The following PIK3CB variants were observed in gnomAD, a reference collection of about 807,000 sequenced individuals.
The protein encoded by PIK3CB is phosphatidylinositol 4,5-bisphosphate 3-kinase catalytic subunit beta isoform.
In PIK3CB, 39 loss-of-function variants were observed where a neutral mutation model predicts 136.8. The observed-to-expected ratio is 0.29, with a 90% CI of 0.22 to 0.37. PIK3CB has a LOEUF of 0.37. Ranked by LOEUF, PIK3CB falls within the 10% of genes least tolerant of loss-of-function variation. The pLI is 1.00. For missense variants in PIK3CB, 868 were observed against 1,275.4 expected (o/e 0.68, Z 4.87); for synonymous variants, 428 against 436.6 (o/e 0.98, Z 0.25).
At chr3:138,709,178 C>A (rs905863693) in intron 10 of PIK3CB, among the ~76,000 whole-genome samples, 3 of 152,040 alleles carry the variant, frequency 2.0e-5, no homozygotes, top group Admixed American at 2.0e-4. Context: ...ATAAATTTAT[C>A]TATTCTTTGA....
At chr3:138,758,875 G>C (rs968225221) in intron 3 of PIK3CB, among the ~76,000 whole-genome samples, 3 of 152,062 alleles carry the variant, frequency 2.0e-5, no homozygotes, top group African/African-American at 7.2e-5. Flanking sequence ...TCAAGGAAAG[G>C]GGGAAGAGAA....
At chr3:138,656,337 A>G in intron 22 of PIK3CB, 63 bp from the exon 23 acceptor site, 1 of 1,546,622 alleles carries the variant, frequency 6.5e-7, no homozygotes, top group Non-Finnish European at 8.9e-7. Flanking sequence ...CATTTCATAC[A>G]GGAAATTAAG....
intron 12 of PIK3CB, among the ~76,000 whole-genome samples, chr3:138,701,577 G>A (rs929055181): frequency 1.3e-5 from 2 of 152,032 alleles, no homozygotes; most frequent in African/African-American, 4.8e-5. Context: ...ACGGGGTCAA[G>A]AGATCGAGAC....
intron 7 of PIK3CB, among the ~76,000 whole-genome samples, chr3:138,734,431 C>A (rs2045057648): frequency 6.6e-6 from 1 of 152,072 alleles, no homozygotes; most frequent in Non-Finnish European, 1.5e-5. Flanking sequence ...ATATAAACGG[C>A]ATATTTACAT....
intron 1 of PIK3CB, among the ~76,000 whole-genome samples, chr3:138,800,921 C>T (rs558361945): frequency 2.9e-4 from 44 of 152,160 alleles, no homozygotes; most frequent in African/African-American, 9.6e-4. Context: ...CCACCGTGCC[C>T]GGCCTATTTT....
intron 16 of PIK3CB, among the ~76,000 whole-genome samples, chr3:138,687,071 G>A (rs542382460): frequency 7.9e-5 from 12 of 152,214 alleles, no homozygotes; most frequent in African/African-American, 9.6e-5. Flanking sequence ...ATCTCTAATT[G>A]TGTTGATATC....
chr3:138,678,547 A>C (rs2043696902), intron 19 of PIK3CB, among the ~76,000 whole-genome samples: 1 of 152,190 alleles, frequency 6.6e-6, no homozygotes, highest in South Asian at 2.1e-4. Flanking sequence ...AATCACAATA[A>C]ACAATTAAAA....
intron 8 of PIK3CB, among the ~76,000 whole-genome samples, chr3:138,723,671 C>T (rs555179367): frequency 2.9e-4 from 44 of 152,356 alleles, no homozygotes; most frequent in African/African-American, 9.6e-4. Flanking sequence ...AGAAGTCAGG[C>T]TTTGACATGC....
chr3:138,783,672 T>G (rs2045944833), intron 2 of PIK3CB, among the ~76,000 whole-genome samples: 1 of 151,978 alleles, frequency 6.6e-6, no homozygotes, highest in Non-Finnish European at 1.5e-5. Flanking sequence ...CTGAGAAACC[T>G]TAAGCATTTA....
chr3:138,784,617 G>A (rs898022443), intron 2 of PIK3CB, among the ~76,000 whole-genome samples: 1 of 152,210 alleles, frequency 6.6e-6, no homozygotes, highest in African/African-American at 2.4e-5. Flanking sequence ...TTTTGGTGGA[G>A]ACGGGGTTTC....
rs766587288 is a variant in PIK3CB, at chr3:138,712,279, G to A, written c.1328C>T (p.Thr443Met). The change falls in exon 10 of 24, where the codon ACG (threonine) becomes ATG (methionine). Residue 443 changes from threonine (T) to methionine (M), a missense_variant. By Grantham distance (81) the Thr-to-Met change is moderately conservative (BLOSUM62 -1). This residue lies in a region of PIK3CB where 612 missense variants were observed against 801.1 expected (regional missense o/e 0.76). Transcript: ENST00000674063. The stretch of plus-strand genomic sequence containing the variant: ...TTGTCCTTTAAAGTCAAAAACCATC[G>A]TATTTACCCACGCTACAGGATAATG... ...KVHYPVAWVN[T>M]MVFDFKGQLR... 3.8e-6 allele frequency: 6 copies of A among 1,573,250 alleles called. No homozygotes were observed. The highest frequency in any genetic ancestry group is 1.1e-5 in the South Asian group (1 of 87,188).
At chr3:138,726,405 G>A (rs946584691) in intron 8 of PIK3CB, among the ~76,000 whole-genome samples, 2 of 152,138 alleles carry the variant, frequency 1.3e-5, no homozygotes, top group Non-Finnish European at 2.9e-5. Flanking sequence ...GAGGGAAGGG[G>A]AGACTTACTC....
chr3:138,703,636 G>GTAGATA (rs2044304349), intron 12 of PIK3CB, among the ~76,000 whole-genome samples: 1 of 151,902 alleles, frequency 6.6e-6, no homozygotes, highest in Non-Finnish European at 1.5e-5. Context: ...ATATATAGAT[G>GTAGATA]TAGATATAGA....
chr3:138,755,634 A>G, intron 4 of PIK3CB, 120 bp downstream of exon 4: 1 of 530,920 alleles, frequency 1.9e-6, no homozygotes. Context: ...GCAACAATTT[A>G]CAGATCAGCA....
At chr3:138,754,924 T>C (rs1487355077) in intron 4 of PIK3CB, among the ~76,000 whole-genome samples, 4 of 152,198 alleles carry the variant, frequency 2.6e-5, no homozygotes, top group Non-Finnish European at 5.9e-5. Flanking sequence ...TAGTTCCTAA[T>C]TCAAGTCAGT....
intron 1 of PIK3CB, among the ~76,000 whole-genome samples, chr3:138,831,826 G>A (rs1053421190): frequency 2.0e-5 from 3 of 152,080 alleles, no homozygotes; most frequent in African/African-American, 7.2e-5. Context: ...TTTGGAGGCT[G>A]AGGCAGGAGA....
intron 1 of PIK3CB, among the ~76,000 whole-genome samples, chr3:138,805,517 A>G (rs2046224113): frequency 6.6e-6 from 1 of 150,752 alleles, no homozygotes; most frequent in Non-Finnish European, 1.5e-5. Flanking sequence ...TAAAAATACA[A>G]AAAAATTAGC....
chr3:138,710,911 C>T (rs1313584436), intron 10 of PIK3CB, among the ~76,000 whole-genome samples: 1 of 151,648 alleles, frequency 6.6e-6, no homozygotes, highest in Non-Finnish European at 1.5e-5. Flanking sequence ...TGTGAAACCC[C>T]GTCTCTATTA....
chr3:138,786,356 T>C (rs893957252), intron 2 of PIK3CB, among the ~76,000 whole-genome samples: 3 of 152,168 alleles, frequency 2.0e-5, no homozygotes, highest in African/African-American at 7.2e-5. Flanking sequence ...TGTGATTTTC[T>C]ATTTAATTTT....
Sources: allele counts gnomAD v4.1 joint callset (sites outside exome capture counted in the v4.1 genomes callset), GRCh38; gene constraint gnomAD v4.1.1; regional missense constraint gnomAD v4.1.1; transcripts MANE v1.5; gene names NCBI Gene and HGNC (gene_info 2026-07-23, HGNC 2026-07-21).